The following IL12B variants were observed in gnomAD, a reference collection of about 807,000 sequenced individuals.
IL12B encodes interleukin 12B, also known as interleukin-12 subunit beta.
A neutral mutation model predicts 39.2 loss-of-function variants in IL12B; 27 were observed. The ratio of observed to expected loss-of-function variants is 0.69; its 90% CI spans 0.51 to 0.95. The LOEUF is 0.95. Ranked by LOEUF, IL12B falls within the 40% of genes least tolerant of loss-of-function variation. The pLI, the probability that IL12B is intolerant of heterozygous loss-of-function variation, is 0.00. For missense variants in IL12B, 351 were observed against 397.6 expected (o/e 0.88, Z 1.00); for synonymous variants, 142 against 152.1 (o/e 0.93, Z 0.49).
At position 159,318,888 on chromosome 5, in the gene IL12B, G is replaced by A. The variant is rs776726308; in HGVS notation, c.703C>T (p.Pro235Ser). The change falls in exon 6 of 8, where the codon CCT becomes TCT. Residue 235 changes from proline (P) to serine (S), a missense_variant. Pro to Ser is a moderately conservative substitution (Grantham distance 74). Transcript: ENST00000231228. ...AGCTGCAAGTTCTTGGGTGGGTCAG[G>A]TTTGACTGTGGAAGAGGATAAACAT... Reference protein sequence around the residue: ...SSFFIRDIIKPDPPKNLQLKP... With the variant: ...SSFFIRDIIKSDPPKNLQLKP... 3.7e-6 allele frequency: 6 copies of A among 1,613,666 alleles called. No individual in the cohort carries two copies. The highest frequency in any genetic ancestry group is 3.3e-5 in the Admixed American group (2 of 60,004).
chr5:159,318,416 G>A (rs1357531643), intron 6 of IL12B, among the ~76,000 whole-genome samples: 2 of 152,162 alleles, frequency 1.3e-5, no homozygotes, highest in Admixed American at 6.5e-5. Flanking sequence ...TATCTTTTCT[G>A]TTTAGATATA....
intron 2 of IL12B, chr5:159,325,563 C>T (rs968141663): frequency 1.6e-4 from 24 of 152,318 alleles, no homozygotes; most frequent in African/African-American, 5.8e-4. Flanking sequence ...AAAATTACTT[C>T]ATGTCCTTGT....
chr5:159,329,529 G>A (rs1024768588), intron 1 of IL12B, among the ~76,000 whole-genome samples: 2 of 152,170 alleles, frequency 1.3e-5, no homozygotes, highest in Admixed American at 6.5e-5. Context: ...CTGCCACACT[G>A]AGTGAACTCT....
intron 1 of IL12B, among the ~76,000 whole-genome samples, chr5:159,328,255 T>TCA (rs1004766941): frequency 3.3e-5 from 5 of 152,188 alleles, no homozygotes; most frequent in Non-Finnish European, 5.9e-5. Context: ...GGCATGGCTA[T>TCA]CACTTCAGTC....
rs776726308 is a variant in IL12B at position 159,318,888 on chromosome 5, G to C, written c.703C>G (p.Pro235Ala). 1 of 1,613,666 alleles carries C rather than the reference G, an allele frequency of 6.2e-7. No individual in the cohort carries two copies. Among genetic ancestry groups the C allele is most frequent in the Non-Finnish European group, 8.5e-7 (1 of 1,179,848 alleles). ...SSFFIRDIIK[P>A]DPPKNLQLKP... ...AGCTGCAAGTTCTTGGGTGGGTCAG[G>C]TTTGACTGTGGAAGAGGATAAACAT... The change falls in exon 6 of 8, where the codon CCT becomes GCT. Residue 235 changes from proline to alanine, a missense_variant. By Grantham distance (27) the Pro-to-Ala change is conservative (BLOSUM62 -1). Coordinates refer to ENST00000231228, the MANE Select transcript of IL12B (RefSeq NM_002187.3).
chr5:159,318,974 C>T, intron 5 of IL12B, 81 bp from the exon 6 acceptor site: 1 of 1,203,232 alleles, frequency 8.3e-7, no homozygotes, highest in South Asian at 1.3e-5. Flanking sequence ...CTCACTTGCA[C>T]CTTTGATCAG....
intron 1 of IL12B, among the ~76,000 whole-genome samples, chr5:159,329,886 CA>C (rs1314182153): frequency 6.6e-6 from 1 of 152,042 alleles, no homozygotes; most frequent in Non-Finnish European, 1.5e-5. Context: ...TAACTGGGGC[CA>C]AAGTTAGTTA....
chr5:159,318,462 T>C (rs1289155463), intron 6 of IL12B, among the ~76,000 whole-genome samples: 2 of 152,236 alleles, frequency 1.3e-5, no homozygotes, highest in African/African-American at 4.8e-5. Context: ...CAGTATTCAG[T>C]ACAGGAACAT....
chr5:159,327,724 C>T (rs1754215867), intron 1 of IL12B, among the ~76,000 whole-genome samples: 1 of 152,144 alleles, frequency 6.6e-6, no homozygotes, highest in Non-Finnish European at 1.5e-5. Context: ...TGTTCAGGGT[C>T]CAGAACCCCT....
Position 159,318,736 on chromosome 5 carries a change from C to CT in IL12B, c.854dup (p.Lys286GlufsTer3), listed in dbSNP as rs765340406. On this transcript the variant is annotated frameshift_variant and splice_region_variant, in exon 6 of 8. Coordinates refer to ENST00000231228, the MANE Select transcript of IL12B (RefSeq NM_002187.3). LOFTEE classifies it high-confidence loss of function. ...ATACTGCACCTGAATCACTTCTTAC[C>CT]TTTTCTCTCTTGCTCTTGCCCTGGA... 1 of 1,614,102 alleles carries CT rather than the reference C, an allele frequency of 6.2e-7. No homozygotes were observed. The highest frequency in any genetic ancestry group is 8.5e-7 in the Non-Finnish European group (1 of 1,180,000).
In IL12B at chr5:159,315,584, T is replaced by C. The variant is rs1161363889; in HGVS notation, c.*517A>G. The C allele has an allele frequency of 6.5e-6, 1 of 152,786 alleles. No individual in the cohort carries two copies. Among genetic ancestry groups the C allele is most frequent in the Non-Finnish European group, 1.5e-5 (1 of 68,046 alleles). The allele number at this position is 152,786 out of a possible 1,614,324, so 9.5% of individuals were successfully genotyped here. ...CTCAACAGGTTTGCATTGTCAGGTTTCCATGTAAGTATCTCTTGCGTTCCC... is the reference window on the plus strand; with the variant it reads ...CTCAACAGGTTTGCATTGTCAGGTTCCCATGTAAGTATCTCTTGCGTTCCC... On this transcript the variant is annotated 3_prime_UTR_variant, in exon 8 of 8. Coordinates refer to ENST00000231228, the MANE Select transcript of IL12B (RefSeq NM_002187.3).
At chr5:159,318,705 A>C (rs1445820285) in intron 6 of IL12B, 31 bp downstream of exon 6, 1 of 1,611,356 alleles carries the variant, frequency 6.2e-7, no homozygotes, top group Admixed American at 1.7e-5. Flanking sequence ...AAACTGACCA[A>C]GGAATATACT....
At position 159,322,512 on chromosome 5, in the gene IL12B, C is replaced by A; in HGVS notation, c.365-1G>T. 6.2e-7 allele frequency: 1 copy of A among 1,603,430 alleles called. No homozygotes were observed. On this transcript the variant is annotated splice_acceptor_variant, in intron 3 of 7. Transcript: ENST00000231228. LOFTEE classifies it high-confidence loss of function. ...CTTAGAAAGGTCTTATTTTTGGGTT[C>A]TGGATTTGAAAAAAACAAAAATTCA...
chr5:159,326,562 T>C (rs1754193076), intron 2 of IL12B, 133 bp downstream of exon 2: 1 of 680,938 alleles, frequency 1.5e-6, no homozygotes, highest in African/African-American at 1.8e-5. Context: ...CATTGCATTT[T>C]CCCAGAGTGA....
intron 4 of IL12B, among the ~76,000 whole-genome samples, chr5:159,320,878 C>A (rs1754074537): frequency 6.6e-6 from 1 of 152,146 alleles, no homozygotes; most frequent in African/African-American, 2.4e-5. Flanking sequence ...TGATAAAGAT[C>A]CATATAAAGG....
intron 2 of IL12B, among the ~76,000 whole-genome samples, chr5:159,326,251 C>A (rs1438822499): frequency 1.3e-5 from 2 of 152,152 alleles, no homozygotes; most frequent in Non-Finnish European, 2.9e-5. Flanking sequence ...CAATGTGAGT[C>A]TGAATCCTAT....
chr5:159,322,427 G>T lies in IL12B; in HGVS notation c.449C>A (p.Thr150Asn). 6.2e-7 allele frequency: 1 copy of T among 1,612,674 alleles called. No homozygotes were observed. The highest frequency in any genetic ancestry group is 8.5e-7 in the Non-Finnish European group (1 of 1,178,682). The change falls in exon 4 of 8, where the codon ACT (threonine) becomes AAT (asparagine). Residue 150 changes from threonine to asparagine, a missense_variant. Physicochemically the swap from Thr to Asn is moderately conservative, Grantham distance 65. Transcript: ENST00000231228. ...GCTTTTGACACTGAATGTCAAATCAGTACTGATTGTCGTCAGCCACCAGCA... is the reference window on the plus strand; with the variant it reads ...GCTTTTGACACTGAATGTCAAATCATTACTGATTGTCGTCAGCCACCAGCA... ...FTCWWLTTIS[T>N]DLTFSVKSSR...
At chr5:159,320,599 A>G (rs1049605004) in intron 4 of IL12B, 79 bp from the exon 5 acceptor site, 4 of 1,213,488 alleles carry the variant, frequency 3.3e-6, no homozygotes, top group Non-Finnish European at 4.8e-6. Context: ...TAAGGCAGGT[A>G]AGGCCTCAAC....
chr5:159,322,929 A>C (rs974663713), intron 3 of IL12B, 125 bp downstream of exon 3: 72 of 954,896 alleles, frequency 7.5e-5, no homozygotes, highest in Middle Eastern at 6.4e-4. Context: ...AATTAACATC[A>C]ATAAGAGACT....
Sources: allele counts gnomAD v4.1 joint callset (sites outside exome capture counted in the v4.1 genomes callset), GRCh38; gene constraint gnomAD v4.1.1; transcripts MANE v1.5; gene names NCBI Gene and HGNC (gene_info 2026-07-23, HGNC 2026-07-21).